AGL: variants seen among roughly 807,000 people sequenced by gnomAD.
The protein encoded by AGL is amylo-alpha-1,6-glucosidase and 4-alpha-glucanotransferase.
Under a neutral mutation model 199.3 loss-of-function variants are expected in AGL, and 128 were observed. That is an observed-to-expected ratio of 0.64 (90% CI 0.56 to 0.74). The LOEUF (loss-of-function observed/expected upper bound fraction) is 0.74, where lower values mean the gene tolerates loss of function less well. Among genes scored for constraint, AGL ranks in the 30% least tolerant of loss-of-function variants. AGL has a pLI of 0.00. For synonymous variants in AGL, 584 were observed against 594.7 expected (o/e 0.98, Z 0.26); for missense variants, 1,809 against 1,820.8 (o/e 0.99, Z 0.12).
Position 99,888,623 on chromosome 1 carries a change from A to C in AGL, c.2812+515A>C, listed in dbSNP as rs1652640483. ...ATTGCATATTTGTTTTATCCTGTAA[A>C]GAGAACTTACAGTAAAACATACAGT... is the stretch of plus-strand genomic sequence containing the variant. On this transcript the variant is annotated intron_variant, in intron 21 of 33. Transcript: ENST00000361915. Among the ~76,000 whole-genome samples the C allele has an allele frequency of 2.6e-5, 4 of 152,164 alleles. No individual in the cohort carries two copies. In the South Asian group the frequency reaches 8.3e-4, roughly 32 times the overall value.
intron 2 of AGL, among the ~76,000 whole-genome samples, chr1:99,853,356 C>T (rs1041562596): frequency 1.3e-5 from 2 of 152,184 alleles, no homozygotes; most frequent in East Asian, 1.9e-4. Context: ...TCCTTATACC[C>T]GTACTCCCAT....
intron 29 of AGL, among the ~76,000 whole-genome samples, 196 bp from the exon 30 acceptor site, chr1:99,913,331 G>A (rs891330718): frequency 6.6e-6 from 1 of 151,900 alleles, no homozygotes; most frequent in Non-Finnish European, 1.5e-5. Flanking sequence ...TTTTTGGGTG[G>A]TGCTACATCT....
chr1:99,876,962 C>T (rs1008789379), intron 11 of AGL, among the ~76,000 whole-genome samples: 4 of 152,170 alleles, frequency 2.6e-5, no homozygotes, highest in Non-Finnish European at 5.9e-5. Context: ...GATATTTTCA[C>T]TCATTGGCCA....
chr1:99,889,043 C>A (rs1164089432), intron 21 of AGL, among the ~76,000 whole-genome samples: 1 of 151,928 alleles, frequency 6.6e-6, no homozygotes, highest in East Asian at 1.9e-4. Context: ...TCCTGGGTTA[C>A]ATTGACTAGT....
chr1:99,859,685 C>G (rs142940752), intron 2 of AGL, among the ~76,000 whole-genome samples: 37 of 152,216 alleles, frequency 2.4e-4, no homozygotes, highest in Admixed American at 2.3e-3. Context: ...GTTGGGATTA[C>G]AGGTGCACAC....
chr1:99,904,219 G>A (rs1654077693), intron 27 of AGL, among the ~76,000 whole-genome samples: 1 of 152,114 alleles, frequency 6.6e-6, no homozygotes, highest in Non-Finnish European at 1.5e-5. Context: ...GCCAATGCAA[G>A]GCTAATAGTA....
Position 99,877,676 on chromosome 1 carries a change from T to C in AGL, c.1459T>C (p.Trp487Arg), listed in dbSNP as rs1557760604. 2 of 1,614,044 alleles carry C rather than the reference T, an allele frequency of 1.2e-6. No homozygotes were observed. Among genetic ancestry groups the C allele is most frequent in the East Asian group, 2.2e-5 (1 of 44,850 alleles). ...TTACCTAAGGAGAGAACTTATTTGCTGGGGAGACAGTGTTAAATTACGCTA... is the reference window on the plus strand; with the variant it reads ...TTACCTAAGGAGAGAACTTATTTGCCGGGGAGACAGTGTTAAATTACGCTA... Reference protein sequence around the residue: ...EVYLRRELICWGDSVKLRYGN... With the variant: ...EVYLRRELICRGDSVKLRYGN... Residue 487 changes from tryptophan to arginine, a missense_variant, in exon 12 of 34, where the codon TGG becomes CGG. Transcript: ENST00000361915.
chr1:99,888,814 A>G (rs1257377287), intron 21 of AGL, among the ~76,000 whole-genome samples: 1 of 152,130 alleles, frequency 6.6e-6, no homozygotes, highest in Non-Finnish European at 1.5e-5. Flanking sequence ...TCTCCATCTA[A>G]CCTATCTTTA....
At chr1:99,864,204 C>T (rs1009793494) in intron 4 of AGL, among the ~76,000 whole-genome samples, 182 bp from the exon 5 acceptor site, 15 of 152,300 alleles carry the variant, frequency 9.8e-5, no homozygotes, top group Admixed American at 8.5e-4. Flanking sequence ...TTTAAATAAA[C>T]TTGCTTAAAG....
In AGL at chr1:99,870,860, C is replaced by T. The variant is rs1557754822; in HGVS notation, c.949C>T (p.Leu317Phe). The part of the protein sequence containing the change: ...NKAVEQFRRL[L>F]TQENRRVTKS... ...AGCGGTTGAGCAATTTAGAAGACTT[C>T]TTACACAAGGTAAAGGATACATACT... Residue 317 changes from leucine to phenylalanine, a missense_variant, in exon 7 of 34, where the codon CTT becomes TTT. Leu to Phe is a conservative substitution (Grantham distance 22). Coordinates refer to ENST00000361915, the MANE Select transcript of AGL (RefSeq NM_000642.3). The T allele has an allele frequency of 1.3e-6, 2 of 1,582,898 alleles. No individual in the cohort carries two copies. The highest frequency in any genetic ancestry group is 1.7e-6 in the Non-Finnish European group (2 of 1,152,088).
chr1:99,909,356 C>T (rs528863293), intron 27 of AGL, among the ~76,000 whole-genome samples: 28 of 152,226 alleles, frequency 1.8e-4, no homozygotes, highest in Middle Eastern at 6.8e-3. Context: ...GCAGGTACCA[C>T]GCTGCTGAGG....
At chr1:99,863,066 A>T (rs1465256730) in intron 4 of AGL, among the ~76,000 whole-genome samples, 4 of 151,786 alleles carry the variant, frequency 2.6e-5, no homozygotes, top group African/African-American at 9.7e-5. Context: ...CAGCCTCCTG[A>T]GTAGCTGGGA....
At chr1:99,899,345 T>G (rs190462413) in intron 25 of AGL, among the ~76,000 whole-genome samples, 1 of 152,270 alleles carries the variant, frequency 6.6e-6, no homozygotes, top group African/African-American at 2.4e-5. Context: ...GCCTTCTTAT[T>G]TCTTAATTTC....
At chr1:99,851,987 T>A (rs1648986172) in intron 2 of AGL, among the ~76,000 whole-genome samples, 1 of 152,236 alleles carries the variant, frequency 6.6e-6, no homozygotes, top group African/African-American at 2.4e-5. Context: ...GAGTACCTAC[T>A]CCATTTTTGG....
intron 24 of AGL, among the ~76,000 whole-genome samples, 189 bp downstream of exon 24, chr1:99,892,796 C>T (rs1653010660): frequency 6.6e-6 from 1 of 151,086 alleles, no homozygotes; most frequent in African/African-American, 2.4e-5. Flanking sequence ...TAACTGTGCA[C>T]CAGGCATTTA....
At chr1:99,910,525 G>T (rs1654663192) in intron 27 of AGL, among the ~76,000 whole-genome samples, 187 bp from the exon 28 acceptor site, 1 of 152,048 alleles carries the variant, frequency 6.6e-6, no homozygotes, top group South Asian at 2.1e-4. Flanking sequence ...CTATGTGGTA[G>T]AATATACACA....
chr1:99,887,234 A>G (rs954023583), intron 20 of AGL, among the ~76,000 whole-genome samples: 6 of 152,360 alleles, frequency 3.9e-5, no homozygotes, highest in East Asian at 3.9e-4. Context: ...CTGAGCATCT[A>G]TTATAGAAGC....
chr1:99,918,870 C>A (rs115009902), intron 33 of AGL, among the ~76,000 whole-genome samples: 1 of 152,182 alleles, frequency 6.6e-6, no homozygotes, highest in Non-Finnish European at 1.5e-5. Flanking sequence ...CCCTGTATTT[C>A]GAAAATTATG....
At chr1:99,865,129 C>T (rs947666164) in intron 5 of AGL, among the ~76,000 whole-genome samples, 6 of 152,064 alleles carry the variant, frequency 3.9e-5, no homozygotes. Context: ...ACTTAATAGC[C>T]TGCTCAGTTA....
Sources: gnomAD v4.1 joint callset for allele counts (sites outside exome capture counted in the v4.1 genomes callset) on GRCh38, gnomAD v4.1.1 for gene constraint, MANE v1.5 for transcripts, NCBI Gene and HGNC (gene_info 2026-07-23, HGNC 2026-07-21) for gene names.